The following NSFL1C variants were observed in gnomAD, a reference collection of about 807,000 sequenced individuals.
The protein encoded by NSFL1C is NSFL1 cofactor.
Under a neutral mutation model 43.1 loss-of-function variants are expected in NSFL1C, and 14 were observed. The ratio of observed to expected loss-of-function variants is 0.32; its 90% confidence interval spans 0.21 to 0.51. The LOEUF (loss-of-function observed/expected upper bound fraction) is 0.51. Among genes scored for constraint, NSFL1C ranks in the 20% least tolerant of loss-of-function variants. The pLI is 0.98. For missense variants in NSFL1C, 406 were observed against 472.5 expected (o/e 0.86, Z 1.30); for synonymous variants, 171 against 183.5 (o/e 0.93, Z 0.55).
chr20:1,464,084 T>C (rs1320259325), intron 2 of NSFL1C: 1 of 448,876 alleles, frequency 2.2e-6, no homozygotes, highest in Non-Finnish European at 3.9e-6. Flanking sequence ...ACTACATAAG[T>C]AAAAGTCTTA....
intron 2 of NSFL1C, chr20:1,463,378 C>T (rs2090452651): frequency 6.6e-6 from 1 of 152,212 alleles, no homozygotes; most frequent in Non-Finnish European, 1.5e-5. Context: ...TGTGCCATCA[C>T]CAACATCTCA....
intron 3 of NSFL1C, chr20:1,455,733 C>T (rs6042380): frequency 2.2e-5 from 17 of 779,516 alleles, no homozygotes; most frequent in African/African-American, 8.4e-5. Context: ...AAGTCAGAGC[C>T]GTGAGGTTCA....
intron 7 of NSFL1C, among the ~76,000 whole-genome samples, chr20:1,450,344 T>C (rs1176599780): frequency 3.3e-5 from 5 of 151,200 alleles, no homozygotes; most frequent in African/African-American, 1.2e-4. Flanking sequence ...CTGTGGCTGT[T>C]TTTTTTTTAA....
chr20:1,463,016 G>A (rs2090446292), intron 2 of NSFL1C, among the ~76,000 whole-genome samples: 1 of 152,078 alleles, frequency 6.6e-6, no homozygotes, highest in Non-Finnish European at 1.5e-5. Flanking sequence ...TTTGACAGGC[G>A]AGGAAAATGA....
intron 2 of NSFL1C, among the ~76,000 whole-genome samples, chr20:1,461,635 T>C (rs774572651): frequency 5.9e-5 from 9 of 152,178 alleles, no homozygotes; most frequent in Non-Finnish European, 7.4e-5. Context: ...AGGCAGAACA[T>C]TGTTGGGGCT....
intron 1 of NSFL1C, among the ~76,000 whole-genome samples, chr20:1,466,452 G>A (rs2090513637): frequency 6.6e-6 from 1 of 152,208 alleles, no homozygotes; most frequent in Non-Finnish European, 1.5e-5. Context: ...CTCGCCGGCT[G>A]CCGCAGCGCC....
chr20:1,466,260 G>A (rs546681258), intron 1 of NSFL1C, among the ~76,000 whole-genome samples: 25 of 152,318 alleles, frequency 1.6e-4, no homozygotes, highest in African/African-American at 6.0e-4. Context: ...CACCACCCCA[G>A]AGGTATTCTC....
intron 2 of NSFL1C, 51 bp from the exon 3 acceptor site, chr20:1,458,325 A>G (rs780237193): frequency 1.3e-6 from 2 of 1,481,974 alleles, no homozygotes; most frequent in African/African-American, 2.8e-5. Context: ...TAAGAAAGGT[A>G]ACCCTCATCA....
In NSFL1C at chr20:1,445,815, C is replaced by T. The variant is rs2090047161; in HGVS notation, c.801G>A (p.Val267=). The change falls in exon 8 of 9, where the codon GTG becomes GTA. Residue 267 remains valine, a synonymous_variant. Coordinates refer to ENST00000216879, the MANE Select transcript of NSFL1C (RefSeq NM_016143.5). ...GQKLGSTAPQ[V]LSTSSPAQQA... is the part of the protein sequence containing the mutation. Reference sequence around the variant, plus strand: ...GTTGGGCTGGAGAGCTGGTACTCAACACCTGGGGGGCAGTGCTGAGGAGAG... The same window carrying T: ...GTTGGGCTGGAGAGCTGGTACTCAATACCTGGGGGGCAGTGCTGAGGAGAG... 9 of 1,614,016 alleles carry T rather than the reference C, an allele frequency of 5.6e-6. No individual in the cohort carries two copies. The highest frequency in any genetic ancestry group is 7.6e-6 in the Non-Finnish European group (9 of 1,180,000).
At chr20:1,449,062 G>A (rs1393456899) in intron 7 of NSFL1C, among the ~76,000 whole-genome samples, 1 of 152,234 alleles carries the variant, frequency 6.6e-6, no homozygotes, top group Non-Finnish European at 1.5e-5. Context: ...AGGATGCTAT[G>A]CAGGTTGGCA....
rs1197655963 is a variant in NSFL1C at position 1,443,019 on chromosome 20, A to G, written c.*730T>C. 2.6e-5 allele frequency: 4 copies of G among 152,182 alleles called. No individual in the cohort carries two copies. Among genetic ancestry groups the G allele is most frequent in the South Asian group, 4.1e-4 (2 of 4,826 alleles). The allele number at this position is 152,182 out of a possible 1,614,324, so 9.4% of individuals were successfully genotyped here. A position where few individuals can be genotyped will look rare whatever the true frequency, so the allele number is the denominator to read the frequency against. ...CTGCACGTGGAGTAAATCAAGCCAT[A>G]ATGGAGCCCCTGAGAATCCCCAGGA... On this transcript the variant is annotated 3_prime_UTR_variant, in exon 9 of 9. Transcript: ENST00000216879.
chr20:1,443,825 T>G lies in NSFL1C; in HGVS notation c.1037A>C (p.Lys346Thr). The G allele has an allele frequency of 6.2e-7, 1 of 1,614,134 alleles. No individual in the cohort carries two copies. The highest frequency in any genetic ancestry group is 8.5e-7 in the Non-Finnish European group (1 of 1,180,030). ...SFILMTTFPNKELADESQTLK... is the reference protein window; with the variant it reads ...SFILMTTFPNTELADESQTLK... The stretch of plus-strand genomic sequence containing the variant: ...GGTCTGGCTCTCATCAGCCAGCTCT[T>G]TGTTCGGGAAAGTAGTCATGAGGAT... Residue 346 changes from lysine (K) to threonine (T), a missense_variant, in exon 9 of 9, where the codon AAA becomes ACA. Physicochemically the swap from Lys to Thr is moderately conservative, Grantham distance 78. Coordinates refer to ENST00000216879, the MANE Select transcript of NSFL1C (RefSeq NM_016143.5).
intron 8 of NSFL1C, among the ~76,000 whole-genome samples, chr20:1,445,427 C>T (rs1489699461): frequency 1.3e-5 from 2 of 152,158 alleles, no homozygotes; most frequent in South Asian, 2.1e-4. Flanking sequence ...TCTAATTTTA[C>T]AGATGAAGAA....
Position 1,464,363 on chromosome 20 carries a change from T to A in NSFL1C, c.169A>T (p.Thr57Ser). The part of the protein sequence containing the change: ...DEDIVTISQA[T>S]PSSVSRGTAP... ...GTGCCTCTGGACACTGAACTGGGGG[T>A]TGCCTGCGAAATGGTCACAATGTCT... is the stretch of plus-strand genomic sequence containing the variant. The change falls in exon 2 of 9, where the codon ACC (threonine) becomes TCC (serine). Residue 57 changes from threonine (T) to serine (S), a missense_variant. Around this residue, in one of 3 missense-constraint regions of NSFL1C, gnomAD observed 203 missense variants for 216.3 expected, o/e 0.94. Coordinates refer to ENST00000216879, the MANE Select transcript of NSFL1C (RefSeq NM_016143.5). 6.2e-7 allele frequency: 1 copy of A among 1,614,220 alleles called. No individual in the cohort carries two copies. Among genetic ancestry groups the A allele is most frequent in the East Asian group, 2.2e-5 (1 of 44,890 alleles).
At chr20:1,461,168 C>T (rs957621344) in intron 2 of NSFL1C, among the ~76,000 whole-genome samples, 3 of 152,172 alleles carry the variant, frequency 2.0e-5, no homozygotes, top group Non-Finnish European at 4.4e-5. Context: ...AAATACTAGC[C>T]GTCCCACTTC....
chr20:1,442,781 A>G lies in NSFL1C; in HGVS notation c.*968T>C, dbSNP rs2089976000. ...GCAGAAGCCTCCTGCAAGTACCAAC[A>G]GTGACAGGTGCTTGTAGCACAGAAA... On this transcript the variant is annotated 3_prime_UTR_variant, in exon 9 of 9. Transcript: ENST00000216879. 1 of 152,266 alleles carries G rather than the reference A, an allele frequency of 6.6e-6. No individual in the cohort carries two copies. Among genetic ancestry groups the G allele is most frequent in the African/African-American group, 2.4e-5 (1 of 41,464 alleles). 9.4% of individuals were successfully genotyped at this position (152,266 alleles called of 1,614,324 possible).
chr20:1,450,498 T>C (rs535118055), intron 7 of NSFL1C, among the ~76,000 whole-genome samples: 3 of 152,338 alleles, frequency 2.0e-5, no homozygotes, highest in East Asian at 1.9e-4. Flanking sequence ...CATGCTAAAA[T>C]AGACTTTAAA....
At chr20:1,452,343 G>C in intron 7 of NSFL1C, 150 bp downstream of exon 7, 1 of 1,080,914 alleles carries the variant, frequency 9.3e-7, no homozygotes, top group Non-Finnish European at 1.3e-6. Flanking sequence ...TCCAGTCCAT[G>C]TTCTCCACAC....
rs1430699487 is a variant in NSFL1C, at chr20:1,442,622, G to C, written c.*1127C>G. Reference sequence around the variant, plus strand: ...CATAGCAATCAAACTTATAGGGGTGGTGGAGGGTCTTTACCAGGCTAGGAC... The same window carrying C: ...CATAGCAATCAAACTTATAGGGGTGCTGGAGGGTCTTTACCAGGCTAGGAC... On this transcript the variant is annotated 3_prime_UTR_variant, in exon 9 of 9. Coordinates refer to ENST00000216879, the MANE Select transcript of NSFL1C (RefSeq NM_016143.5). The C allele has an allele frequency of 1.3e-5, 2 of 152,182 alleles. No individual in the cohort carries two copies. Among genetic ancestry groups the C allele is most frequent in the African/African-American group, 4.8e-5 (2 of 41,390 alleles). 9.4% of individuals were successfully genotyped at this position (152,182 alleles called of 1,614,324 possible).
Sources: gnomAD v4.1 joint callset for allele counts (sites outside exome capture counted in the v4.1 genomes callset) on GRCh38, gnomAD v4.1.1 for gene constraint, gnomAD v4.1.1 regional missense constraint, MANE v1.5 for transcripts, NCBI Gene and HGNC (gene_info 2026-07-23, HGNC 2026-07-21) for gene names.